Variants in POM121C observed in about 807,000 individuals in gnomAD.
POM121C encodes the protein POM121 transmembrane nucleoporin C.
In POM121C, 20 loss-of-function variants were observed where a neutral mutation model predicts 66.4. The ratio of observed to expected loss-of-function variants is 0.30; its 90% CI spans 0.21 to 0.44. The LOEUF (loss-of-function observed/expected upper bound fraction) is 0.44, where lower values mean the gene tolerates loss of function less well. POM121C is among the 20% of genes least tolerant of loss of function. The pLI is 1.00. For synonymous variants in POM121C, 286 were observed against 528.0 expected (o/e 0.54, Z 6.28); for missense variants, 580 against 1,225.7 (o/e 0.47, Z 7.87).
chr7:75,473,622 C>G (rs1262530827), intron 3 of POM121C, among the ~76,000 whole-genome samples: 1 of 151,894 alleles, frequency 6.6e-6, no homozygotes, highest in East Asian at 1.9e-4. Context: ...ATCTGAATGC[C>G]TAAAGAAATA....
chr7:75,469,941 C>T (rs1471553285), intron 3 of POM121C, among the ~76,000 whole-genome samples: 6 of 152,158 alleles, frequency 3.9e-5, no homozygotes, highest in African/African-American at 1.4e-4. Context: ...TAATTGTCAC[C>T]ATTTGACACA....
At chr7:75,433,966 G>C (rs1175656709) in intron 7 of POM121C, among the ~76,000 whole-genome samples, 41 of 152,322 alleles carry the variant, frequency 2.7e-4, no homozygotes, top group African/African-American at 8.9e-4. Context: ...CAAAGGGTGC[G>C]TGTATCTCTT....
In POM121C at chr7:75,419,840, T is replaced by C. The variant is rs375465; in HGVS notation, c.2744-398A>G. ...CCTCTGAAGCCTGGTTTGTCCGTCC[T>C]GTGTCTTTTGTGATGCCCCGTGGTC... On this transcript the variant is annotated intron_variant, in intron 13 of 14. Coordinates refer to ENST00000615331, the MANE Select transcript of POM121C (RefSeq NM_001099415.3). 893 of 189,832 alleles carry C rather than the reference T, an allele frequency of 4.7e-3. 15 individuals carry two copies. Among genetic ancestry groups the C allele is most frequent in the African/African-American group, 0.019 (756 of 40,472 alleles). The allele number at this position is 189,832 out of a possible 1,614,324, so 11.8% of individuals were successfully genotyped here. A position where few individuals can be genotyped will look rare whatever the true frequency, so the allele number is the denominator to read the frequency against.
chr7:75,474,253 G>T (rs1791989239), intron 3 of POM121C, among the ~76,000 whole-genome samples: 1 of 152,070 alleles, frequency 6.6e-6, no homozygotes, highest in South Asian at 2.1e-4. Context: ...AATTAGCCAG[G>T]CTTGGTGGCA....
rs1554470273 is a variant in POM121C, at chr7:75,419,365, C to T, written c.2821G>A (p.Ala941Thr). ...GTSGSSLSFGASSAPAQGFVG... is the reference protein window; with the variant it reads ...GTSGSSLSFGTSSAPAQGFVG... Reference sequence around the variant, plus strand: ...AAGCCTTGGGCGGGTGCTGAAGATGCCCCAAAGGAGAGGCTGCTGCCCGAT... The same window carrying T: ...AAGCCTTGGGCGGGTGCTGAAGATGTCCCAAAGGAGAGGCTGCTGCCCGAT... The change falls in exon 14 of 15, where the codon GCA becomes ACA. Residue 941 changes from alanine (A) to threonine (T), a missense_variant. Physicochemically the swap from Ala to Thr is moderately conservative, Grantham distance 58. Coordinates refer to ENST00000615331, the MANE Select transcript of POM121C (RefSeq NM_001099415.3). 6.2e-7 allele frequency: 1 copy of T among 1,613,744 alleles called. No homozygotes were observed. The highest frequency in any genetic ancestry group is 1.7e-5 in the Admixed American group (1 of 59,970).
chr7:75,439,339 C>T (rs1465635946), intron 5 of POM121C, 115 bp from the exon 6 acceptor site: 4 of 1,414,778 alleles, frequency 2.8e-6, no homozygotes, highest in East Asian at 2.3e-5. Flanking sequence ...AGATTCCATG[C>T]TAGACCAGAA....
chr7:75,441,556 G>A lies in POM121C; in HGVS notation c.-60C>T. 6.2e-7 allele frequency: 1 copy of A among 1,613,108 alleles called. No individual in the cohort carries two copies. The highest frequency in any genetic ancestry group is 8.5e-7 in the Non-Finnish European group (1 of 1,179,440). On this transcript the variant is annotated 5_prime_UTR_variant, in exon 4 of 15. Transcript: ENST00000615331. Reference sequence around the variant, plus strand: ...TGATAACCATTCCAGCACACTGTGGGAAGTACCCCCGGACAGGAATACTGG... The same window carrying A: ...TGATAACCATTCCAGCACACTGTGGAAAGTACCCCCGGACAGGAATACTGG...
chr7:75,441,131 A>C lies in POM121C; in HGVS notation c.66-16T>G. 1 of 1,611,018 alleles carries C rather than the reference A, an allele frequency of 6.2e-7. No individual in the cohort carries two copies. Among genetic ancestry groups the C allele is most frequent in the Non-Finnish European group, 8.5e-7 (1 of 1,178,706 alleles). On this transcript the variant is annotated splice_polypyrimidine_tract_variant and intron_variant, in intron 4 of 14. Coordinates refer to ENST00000615331, the MANE Select transcript of POM121C (RefSeq NM_001099415.3). Reference sequence around the variant, plus strand: ...CTGCTCTGGTCTATAATGAAAGACAAGATTCTAGCCGTAAGATATTTTAAT... The same window carrying C: ...CTGCTCTGGTCTATAATGAAAGACACGATTCTAGCCGTAAGATATTTTAAT...
intron 1 of POM121C, chr7:75,484,197 C>T (rs1792419158): frequency 6.2e-7 from 1 of 1,609,508 alleles, no homozygotes; most frequent in East Asian, 2.2e-5. Context: ...GGAAAACTCA[C>T]CTGCAATGTG....
chr7:75,474,031 G>C (rs2116525159), intron 3 of POM121C, among the ~76,000 whole-genome samples: 1 of 152,284 alleles, frequency 6.6e-6, no homozygotes, highest in Admixed American at 6.5e-5. Flanking sequence ...GAAAATGGAA[G>C]ATAAAAAGAA....
At position 75,474,759 on chromosome 7, in the gene POM121C, C is replaced by A. The variant is rs1181666668; in HGVS notation, c.-207G>T. On this transcript the variant is annotated 5_prime_UTR_variant, in exon 3 of 15. Coordinates refer to ENST00000615331, the MANE Select transcript of POM121C (RefSeq NM_001099415.3). ...CCGTTATCCACAGCTCCTCTCCCTGCTCCAACTTAATGATGACGTTTGGCT... is the reference window on the plus strand; with the variant it reads ...CCGTTATCCACAGCTCCTCTCCCTGATCCAACTTAATGATGACGTTTGGCT... 5.0e-5 allele frequency: 71 copies of A among 1,428,120 alleles called. No individual in the cohort carries two copies. The highest frequency in any genetic ancestry group is 6.7e-5 in the Non-Finnish European group (68 of 1,020,340). The allele number at this position is 1,428,120 out of a possible 1,614,324, so 88.5% of individuals were successfully genotyped here.
At chr7:75,480,741 C>T (rs1196503945) in intron 1 of POM121C, among the ~76,000 whole-genome samples, 8 of 152,012 alleles carry the variant, frequency 5.3e-5, no homozygotes, top group South Asian at 2.1e-4. Flanking sequence ...GGAACAAATC[C>T]GTATTAAACA....
At chr7:75,426,706 TG>T (rs1469372530) in intron 7 of POM121C, among the ~76,000 whole-genome samples, 2 of 62,008 alleles carry the variant, frequency 3.2e-5, no homozygotes, top group Non-Finnish European at 6.1e-5. Context: ...TGTGGTGGTT[TG>T]CATCTGTGGT....
chr7:75,478,358 C>T (rs1554479672), intron 1 of POM121C, among the ~76,000 whole-genome samples: 2 of 152,060 alleles, frequency 1.3e-5, no homozygotes, highest in Non-Finnish European at 2.9e-5. Context: ...CAACTTCTGC[C>T]TTGAGCGTTT....
rs10258259 is a variant in POM121C at position 75,476,128 on chromosome 7, A to T, written c.-457-940T>A. On this transcript the variant is annotated intron_variant, in intron 1 of 14. Transcript: ENST00000615331. Reference sequence around the variant, plus strand: ...GAACCTTATCTCTGCTAAAAATAAAATTTTTTTAAAAAATTGGCTGGGCAT... The same window carrying T: ...GAACCTTATCTCTGCTAAAAATAAATTTTTTTTAAAAAATTGGCTGGGCAT... 4.5e-3 allele frequency among the ~76,000 whole-genome samples: 687 copies of T among 152,252 alleles called. 5 individuals carry two copies. Among genetic ancestry groups the T allele is most frequent in the African/African-American group, 0.015 (641 of 41,536 alleles).
intron 3 of POM121C, among the ~76,000 whole-genome samples, chr7:75,449,485 C>T (rs1790947333): frequency 6.6e-6 from 1 of 151,984 alleles, no homozygotes; most frequent in Non-Finnish European, 1.5e-5. Flanking sequence ...CTGCCTCAGC[C>T]TCCCGAGTAG....
In POM121C at chr7:75,417,304, T is replaced by C. The variant is rs1476921184; in HGVS notation, c.*1492A>G. ...CTGCCGGGGACAGCATTTGAGCCTCTTCTTTGCACAGGCATAACTTAACTA... is the reference window on the plus strand; with the variant it reads ...CTGCCGGGGACAGCATTTGAGCCTCCTCTTTGCACAGGCATAACTTAACTA... On this transcript the variant is annotated 3_prime_UTR_variant, in exon 15 of 15. Transcript: ENST00000615331. The C allele has an allele frequency of 1.8e-5, 16 of 874,786 alleles. No individual in the cohort carries two copies. In the South Asian group the frequency reaches 4.2e-4, roughly 23 times the overall value. 54.2% of individuals were successfully genotyped at this position (874,786 alleles called of 1,614,324 possible).
intron 3 of POM121C, among the ~76,000 whole-genome samples, chr7:75,454,537 C>T (rs1554476088): frequency 2.0e-5 from 3 of 152,114 alleles, no homozygotes; most frequent in Admixed American, 6.6e-5. Flanking sequence ...TCAGCGGTGT[C>T]CCAGGAACAC....
chr7:75,474,904 T>A (rs1772534311), intron 2 of POM121C, 22 bp from the exon 3 acceptor site: 3 of 1,029,240 alleles, frequency 2.9e-6, no homozygotes, highest in Non-Finnish European at 4.4e-6. Context: ...AAATGCTCCA[T>A]TTTTTACCTT....
Sources: gnomAD v4.1 joint callset for allele counts (sites outside exome capture counted in the v4.1 genomes callset) on GRCh38, gnomAD v4.1.1 for gene constraint, MANE v1.5 for transcripts, NCBI Gene and HGNC (gene_info 2026-07-23, HGNC 2026-07-21) for gene names.